The following EYA2 variants were observed in gnomAD, a reference collection of about 807,000 sequenced individuals.
EYA2 encodes EYA transcriptional coactivator and phosphatase 2, also known as protein phosphatase EYA2.
Under a neutral mutation model 69.2 loss-of-function variants are expected in EYA2, and 31 were observed. The observed-to-expected ratio is 0.45, with a 90% CI of 0.34 to 0.60. The LOEUF (loss-of-function observed/expected upper bound fraction) is 0.60, where lower values mean the gene tolerates loss of function less well. Ranked by LOEUF, EYA2 falls within the 20% of genes least tolerant of loss-of-function variation. EYA2 has a pLI of 0.02. For missense variants in EYA2, 622 were observed against 701.2 expected, an observed-to-expected ratio of 0.89 and a Z score of 1.28; for synonymous variants, 257 against 279.4, an observed-to-expected ratio of 0.92 and a Z score of 0.80.
At chr20:47,166,393 TAAAAAAAAAAAAAAAAAAAAAAAAA>T (rs370944686) in intron 10 of EYA2, among the ~76,000 whole-genome samples, 3 of 34,478 alleles carry the variant, frequency 8.7e-5, no homozygotes, top group East Asian at 7.6e-4. Context: ...CAAGACTGTC[TAAAAAAAAAAAAAAAAAAAAAAAAA>T]AAAAAAAAAA....
chr20:46,917,608 C>G (rs1385609596), intron 1 of EYA2, among the ~76,000 whole-genome samples: 1 of 152,172 alleles, frequency 6.6e-6, no homozygotes, highest in African/African-American at 2.4e-5. Context: ...CACAATAAAG[C>G]CAATATCGCA....
At chr20:46,938,525 C>T (rs1238985591) in intron 1 of EYA2, among the ~76,000 whole-genome samples, 1 of 152,084 alleles carries the variant, frequency 6.6e-6, no homozygotes, top group African/African-American at 2.4e-5. Context: ...TCACATCAGG[C>T]ATGGTGGAGC....
chr20:46,911,336 C>G (rs746729662), intron 1 of EYA2, among the ~76,000 whole-genome samples: 2 of 151,976 alleles, frequency 1.3e-5, no homozygotes, highest in Non-Finnish European at 2.9e-5. Flanking sequence ...GTAAATAGGT[C>G]CCTGTGCTCC....
intron 9 of EYA2, among the ~76,000 whole-genome samples, chr20:47,101,627 A>C (rs189123467): frequency 6.6e-6 from 1 of 152,352 alleles, no homozygotes; most frequent in African/African-American, 2.4e-5. Flanking sequence ...CTGTATAGTA[A>C]AAGGAAAAAC....
intron 7 of EYA2, among the ~76,000 whole-genome samples, chr20:47,087,006 A>G (rs9753655): frequency 0.21 from 32,297 of 152,030 alleles, 4,117 homozygotes; most frequent in South Asian, 0.33. Context: ...GCTCTTCAGC[A>G]TCTGTGAATT....
intron 7 of EYA2, among the ~76,000 whole-genome samples, chr20:47,081,906 C>T (rs1176106540): frequency 6.6e-6 from 1 of 151,786 alleles, no homozygotes; most frequent in Admixed American, 6.6e-5. Context: ...ATGGTGTGAC[C>T]TTGGCTCACT....
chr20:47,018,960 T>C (rs6094558), intron 5 of EYA2, among the ~76,000 whole-genome samples: 40,060 of 152,106 alleles, frequency 0.26, 5,395 homozygotes, highest in South Asian at 0.33. Flanking sequence ...ACATGCGGCT[T>C]AATCTCCCCA....
chr20:47,183,410 A>C lies in EYA2; in HGVS notation c.1536+19A>C. On this transcript the variant is annotated intron_variant, in intron 15 of 15. Transcript: ENST00000327619. ...GAAAAAGGTACTTCTTCCACCTCTC[A>C]GACTGCGTTTTCCTGCTCTTTCGAG... 6.2e-7 allele frequency: 1 copy of C among 1,611,626 alleles called. No individual in the cohort carries two copies. Among genetic ancestry groups the C allele is most frequent in the Non-Finnish European group, 8.5e-7 (1 of 1,177,926 alleles).
intron 1 of EYA2, among the ~76,000 whole-genome samples, chr20:46,943,825 T>C (rs986810138): frequency 6.6e-6 from 1 of 152,202 alleles, no homozygotes; most frequent in African/African-American, 2.4e-5. Context: ...GCATAATTCA[T>C]CAAAATGCTG....
intron 10 of EYA2, among the ~76,000 whole-genome samples, chr20:47,155,639 A>G (rs1307616202): frequency 6.6e-6 from 1 of 151,886 alleles, no homozygotes; most frequent in African/African-American, 2.4e-5. Context: ...CGCATGAACC[A>G]TCTCACCGCA....
chr20:47,124,128 G>A (rs1033563377), intron 9 of EYA2, among the ~76,000 whole-genome samples: 1 of 152,140 alleles, frequency 6.6e-6, no homozygotes, highest in Non-Finnish European at 1.5e-5. Context: ...TCAAATTCTG[G>A]GTGCTGATGA....
chr20:47,134,954 C>T (rs1488271042), intron 9 of EYA2, among the ~76,000 whole-genome samples: 1 of 151,866 alleles, frequency 6.6e-6, no homozygotes, highest in Admixed American at 6.6e-5. Context: ...GGTGAAACCC[C>T]GTCTCTACTA....
At chr20:47,154,864 G>A (rs1412064140) in intron 10 of EYA2, among the ~76,000 whole-genome samples, 1 of 96,508 alleles carries the variant, frequency 1.0e-5, no homozygotes, top group Non-Finnish European at 2.2e-5. Context: ...TGTGTGTTTT[G>A]AGATGGAGCC....
At chr20:47,005,435 G>A (rs1982646609) in intron 4 of EYA2, among the ~76,000 whole-genome samples, 1 of 152,208 alleles carries the variant, frequency 6.6e-6, no homozygotes, top group African/African-American at 2.4e-5. Flanking sequence ...ATCTTCAGAT[G>A]CTCCCAGCAA....
At chr20:47,039,032 G>T (rs1025707847) in intron 5 of EYA2, among the ~76,000 whole-genome samples, 1 of 152,132 alleles carries the variant, frequency 6.6e-6, no homozygotes, top group Non-Finnish European at 1.5e-5. Context: ...TGGCTGAGCC[G>T]CAAGAGGCTT....
chr20:47,158,517 C>CA (rs11435825), intron 10 of EYA2, among the ~76,000 whole-genome samples: 33,227 of 139,296 alleles, frequency 0.24, 4,658 homozygotes, highest in African/African-American at 0.42. Context: ...AACTCTGTCT[C>CA]AAAAAAAAAA....
At chr20:46,907,700 A>G (rs116330629) in intron 1 of EYA2, among the ~76,000 whole-genome samples, 3,515 of 152,244 alleles carry the variant, frequency 0.023, 145 homozygotes, top group African/African-American at 0.08. Context: ...TTAGCCAGGT[A>G]TGGTGGCCCG....
intron 1 of EYA2, among the ~76,000 whole-genome samples, chr20:46,973,426 T>G (rs1046925590): frequency 6.6e-6 from 1 of 152,204 alleles, no homozygotes; most frequent in Non-Finnish European, 1.5e-5. Flanking sequence ...TATCTTACAA[T>G]CCACCCTTAC....
chr20:47,055,296 G>A (rs1303488244), intron 5 of EYA2, among the ~76,000 whole-genome samples: 2 of 152,204 alleles, frequency 1.3e-5, no homozygotes, highest in African/African-American at 2.4e-5. Flanking sequence ...AGAAACTCTG[G>A]TCTTTATGGG....
Sources: allele counts gnomAD v4.1 joint callset (sites outside exome capture counted in the v4.1 genomes callset), GRCh38; gene constraint gnomAD v4.1.1; transcripts MANE v1.5; gene names NCBI Gene and HGNC (gene_info 2026-07-23, HGNC 2026-07-21).